Variants in NCOA2 observed in about 807,000 individuals in gnomAD.
The protein encoded by NCOA2 is nuclear receptor coactivator 2.
A neutral mutation model predicts 145.1 loss-of-function variants in NCOA2; 21 were observed. The ratio of observed to expected loss-of-function variants is 0.14; its 90% CI spans 0.10 to 0.21. NCOA2 has a LOEUF of 0.21. NCOA2 is among the 10% of genes least tolerant of loss of function. The pLI is 1.00. For synonymous variants in NCOA2, 619 were observed against 637.5 expected (o/e 0.97, Z 0.44); for missense variants, 1,472 against 1,837.6 (o/e 0.80, Z 3.64).
At chr8:70,326,928 C>T (rs1436993649) in intron 1 of NCOA2, among the ~76,000 whole-genome samples, 2 of 152,190 alleles carry the variant, frequency 1.3e-5, no homozygotes, top group Non-Finnish European at 2.9e-5. Flanking sequence ...GGTTCTAATA[C>T]ATAACTTATC....
chr8:70,425,582 C>G, the NCOA2 span, among the ~76,000 whole-genome samples: 1 of 152,176 alleles, frequency 6.6e-6, no homozygotes, highest in East Asian at 1.9e-4. Flanking sequence ...AGATCCATGA[C>G]CAATTGTTTC....
At chr8:70,230,354 G>T (rs1363529193) in intron 2 of NCOA2, among the ~76,000 whole-genome samples, 1 of 152,124 alleles carries the variant, frequency 6.6e-6, no homozygotes, top group African/African-American at 2.4e-5. Flanking sequence ...TTGAGTACAG[G>T]GTTTCTTTTG....
chr8:70,135,425 A>G (rs1417612613), intron 15 of NCOA2, among the ~76,000 whole-genome samples: 2 of 152,196 alleles, frequency 1.3e-5, no homozygotes, highest in African/African-American at 4.8e-5. Context: ...AGGTGCAGTA[A>G]GTTTCTAGTG....
At chr8:70,206,242 T>A (rs1818427589) in intron 4 of NCOA2, among the ~76,000 whole-genome samples, 1 of 152,244 alleles carries the variant, frequency 6.6e-6, no homozygotes. Context: ...TGTTTGAACC[T>A]GCAAGTGGGT....
chr8:70,169,678 T>C (rs965907688), intron 6 of NCOA2, among the ~76,000 whole-genome samples: 7 of 152,196 alleles, frequency 4.6e-5, no homozygotes, highest in African/African-American at 1.7e-4. Context: ...ATCTCCATGA[T>C]GTGACTATTT....
chr8:70,113,002 G>A lies in NCOA2; in HGVS notation c.*630C>T. ...CTCCTTTTCATCTGTTCAGTAACTG[G>A]AGACTCTTTCCAACATGGTCTTTAG... On this transcript the variant is annotated 3_prime_UTR_variant, in exon 23 of 23. Coordinates refer to ENST00000452400, the MANE Select transcript of NCOA2 (RefSeq NM_006540.4). 1 of 200,744 alleles carries A rather than the reference G, an allele frequency of 5.0e-6. No individual in the cohort carries two copies. The highest frequency in any genetic ancestry group is 6.0e-5 in the Admixed American group (1 of 16,594). 12.4% of individuals were successfully genotyped at this position (200,744 alleles called of 1,614,324 possible). A position where few individuals can be genotyped will look rare whatever the true frequency, so the allele number is the denominator to read the frequency against.
chr8:70,125,375 C>T (rs1808297118), intron 19 of NCOA2, among the ~76,000 whole-genome samples: 1 of 152,154 alleles, frequency 6.6e-6, no homozygotes, highest in African/African-American at 2.4e-5. Flanking sequence ...GATCCTCTCA[C>T]CTCAGCTTCC....
At chr8:70,330,216 A>AAG (rs1806970363) in intron 1 of NCOA2, among the ~76,000 whole-genome samples, 1 of 150,800 alleles carries the variant, frequency 6.6e-6, no homozygotes, top group African/African-American at 2.4e-5. Context: ...TGATGATGAT[A>AAG]ATGATGATGA....
chr8:70,136,669 C>G (rs1387258778), intron 15 of NCOA2, among the ~76,000 whole-genome samples: 2 of 151,922 alleles, frequency 1.3e-5, no homozygotes, highest in Non-Finnish European at 2.9e-5. Flanking sequence ...GAAATGTATA[C>G]ATAAACTGAT....
chr8:70,213,103 A>C (rs1819219750), intron 4 of NCOA2, among the ~76,000 whole-genome samples: 2 of 151,330 alleles, frequency 1.3e-5, no homozygotes, highest in Non-Finnish European at 1.5e-5. Flanking sequence ...CCAAAAAAAA[A>C]AAAAAAAAAC....
At chr8:70,287,458 C>A (rs930315680) in intron 2 of NCOA2, among the ~76,000 whole-genome samples, 1 of 151,958 alleles carries the variant, frequency 6.6e-6, no homozygotes, top group African/African-American at 2.4e-5. Flanking sequence ...CCTATATAGG[C>A]TTCTGATTAT....
rs73684253 is a variant in NCOA2, at chr8:70,263,470, C to G, written c.-20+33274G>C. 3.7e-3 allele frequency among the ~76,000 whole-genome samples: 566 copies of G among 151,922 alleles called. 8 individuals are homozygous for G. The highest frequency in any genetic ancestry group is 0.013 in the African/African-American group (550 of 41,428). On this transcript the variant is annotated intron_variant, in intron 2 of 22. Coordinates refer to ENST00000452400, the MANE Select transcript of NCOA2 (RefSeq NM_006540.4). ...TCCGTTTCATGTAAGTGGTATGATC[C>G]TTTTTCCAAAAAAGGTCATCTTTTT...
chr8:70,337,831 G>C (rs1013550326), intron 1 of NCOA2, among the ~76,000 whole-genome samples: 3 of 152,260 alleles, frequency 2.0e-5, no homozygotes, highest in Middle Eastern at 6.8e-3. Flanking sequence ...TCAACAACCT[G>C]CTCCTGAATG....
At chr8:70,415,545 G>A in the NCOA2 span, among the ~76,000 whole-genome samples, 3 of 152,166 alleles carry the variant, frequency 2.0e-5, no homozygotes, top group African/African-American at 7.2e-5. Context: ...AAATTAGGCA[G>A]GGGAATTTTA....
intron 1 of NCOA2, chr8:70,401,804 G>A (rs957629296): frequency 3.3e-5 from 5 of 152,206 alleles, no homozygotes; most frequent in Admixed American, 6.5e-5. Flanking sequence ...GTGACCCTTA[G>A]CATGTAAACC....
chr8:70,205,309 G>A (rs1818320067), intron 4 of NCOA2, among the ~76,000 whole-genome samples: 1 of 152,156 alleles, frequency 6.6e-6, no homozygotes, highest in Non-Finnish European at 1.5e-5. Flanking sequence ...AGGGAGGAAA[G>A]AATACAAATA....
At chr8:70,113,737 GTTT>G in intron 22 of NCOA2, 94 bp from the exon 23 acceptor site, 1 of 1,252,556 alleles carries the variant, frequency 8.0e-7, no homozygotes, top group Non-Finnish European at 1.1e-6. Context: ...ATTCCTGACT[GTTT>G]TCAATAAAGC....
chr8:70,447,003 T>C, the NCOA2 span, among the ~76,000 whole-genome samples: 1 of 152,206 alleles, frequency 6.6e-6, no homozygotes, highest in African/African-American at 2.4e-5. Flanking sequence ...CAGTTTGTCT[T>C]GAAATCAAAG....
At chr8:70,154,735 T>G (rs1184051938) in intron 11 of NCOA2, among the ~76,000 whole-genome samples, 1 of 152,206 alleles carries the variant, frequency 6.6e-6, no homozygotes, top group Non-Finnish European at 1.5e-5. Flanking sequence ...AAAAATAGCT[T>G]ACTTTTTCCC....
Sources: allele counts gnomAD v4.1 joint callset (sites outside exome capture counted in the v4.1 genomes callset), GRCh38; gene constraint gnomAD v4.1.1; transcripts MANE v1.5; gene names NCBI Gene and HGNC (gene_info 2026-07-23, HGNC 2026-07-21).